SUGP1: variants seen among roughly 807,000 people sequenced by gnomAD.
SUGP1 encodes the protein SURP and G-patch domain containing 1, also known as SURP and G-patch domain-containing protein 1.
In SUGP1, 34 loss-of-function variants were observed where a neutral mutation model predicts 76.5. That is an observed-to-expected ratio of 0.44 (90% CI 0.34 to 0.59). The LOEUF is 0.59. Ranked by LOEUF, SUGP1 falls within the 20% of genes least tolerant of loss-of-function variation. The probability of loss-of-function intolerance (pLI) is 0.01; values close to 1 mark genes in which losing one functional copy is unlikely to be tolerated. For synonymous variants in SUGP1, 326 were observed against 326.2 expected, an observed-to-expected ratio of 1.00 and a Z score of 0.01; for missense variants, 752 against 851.7, an observed-to-expected ratio of 0.88 and a Z score of 1.46.
At chr19:19,287,501 G>C (rs1168116672) in intron 8 of SUGP1, among the ~76,000 whole-genome samples, 1 of 152,230 alleles carries the variant, frequency 6.6e-6, no homozygotes, top group Non-Finnish European at 1.5e-5. Context: ...GGCAGAGGCT[G>C]CAGTGAGCTG....
chr19:19,297,371 T>C, intron 7 of SUGP1, 27 bp from the exon 8 acceptor site: 2 of 1,364,012 alleles, frequency 1.5e-6, no homozygotes, highest in South Asian at 1.4e-5. Flanking sequence ...GGGGGTGCAG[T>C]GTCAGCTGGG....
chr19:19,279,179 A>C, intron 10 of SUGP1, 34 bp downstream of exon 10: 1 of 1,532,242 alleles, frequency 6.5e-7, no homozygotes, highest in Non-Finnish European at 8.8e-7. Context: ...GGCCATGCCC[A>C]GCCCAGCCCG....
intron 2 of SUGP1, among the ~76,000 whole-genome samples, chr19:19,311,645 T>C (rs941818546): frequency 4.2e-5 from 6 of 142,076 alleles, no homozygotes; most frequent in Admixed American, 7.8e-5. Flanking sequence ...AAGAATGGCG[T>C]GAACCAAGGA....
At chr19:19,278,288 C>T (rs753442609) in intron 11 of SUGP1, among the ~76,000 whole-genome samples, 24 of 152,180 alleles carry the variant, frequency 1.6e-4, no homozygotes, top group Non-Finnish European at 3.2e-4. Flanking sequence ...TATAAAAAAA[C>T]CTCAAAAAGA....
At chr19:19,277,218 G>T in intron 12 of SUGP1, 142 bp from the exon 13 acceptor site, 2 of 533,932 alleles carry the variant, frequency 3.7e-6, no homozygotes, top group South Asian at 2.1e-5. Flanking sequence ...GCTTGAACCT[G>T]AATGGTCAAG....
At chr19:19,302,593 C>G in intron 6 of SUGP1, 1 of 677,944 alleles carries the variant, frequency 1.5e-6, no homozygotes, top group Non-Finnish European at 2.4e-6. Context: ...CCGCCCCGTC[C>G]CACAAGGGAG....
At chr19:19,301,327 C>G (rs1329932870) in intron 7 of SUGP1, among the ~76,000 whole-genome samples, 1 of 152,144 alleles carries the variant, frequency 6.6e-6, no homozygotes, top group Non-Finnish European at 1.5e-5. Flanking sequence ...TTCACTGGGT[C>G]AGCTGAGCCT....
At chr19:19,281,118 G>A (rs533275184) in intron 8 of SUGP1, 3 of 152,486 alleles carry the variant, frequency 2.0e-5, no homozygotes, top group African/African-American at 7.2e-5. Flanking sequence ...GGGAGACGCA[G>A]GAGCCGAAGT....
intron 2 of SUGP1, among the ~76,000 whole-genome samples, chr19:19,310,654 A>C (rs1054955937): frequency 4.0e-5 from 6 of 151,604 alleles, no homozygotes; most frequent in African/African-American, 1.5e-4. Context: ...CTCTCTATCT[A>C]TCTATCCGAA....
At chr19:19,317,387 G>T (rs965169733) in intron 1 of SUGP1, among the ~76,000 whole-genome samples, 1 of 152,154 alleles carries the variant, frequency 6.6e-6, no homozygotes, top group African/African-American at 2.4e-5. Flanking sequence ...TACATCCAAG[G>T]AGCAGCAAGT....
In SUGP1 at chr19:19,303,657, C is replaced by A. The variant is rs974479659; in HGVS notation, c.662+67G>T. On this transcript the variant is annotated intron_variant, in intron 5 of 13. Coordinates refer to ENST00000247001, the MANE Select transcript of SUGP1 (RefSeq NM_172231.4). ...CGGCCCACACTAGCAAGCACCCAGC[C>A]CCACACGTGCGACTGTGCAGCAAAC... 3.2e-6 allele frequency: 5 copies of A among 1,586,426 alleles called. No homozygotes were observed. The African/African-American group carries it at 4.0e-5, about 13-fold the overall frequency.
chr19:19,297,125 G>A lies in SUGP1; in HGVS notation c.1107C>T (p.Ala369=). 6.2e-7 allele frequency: 1 copy of A among 1,613,968 alleles called. No individual in the cohort carries two copies. The highest frequency in any genetic ancestry group is 1.3e-5 in the African/African-American group (1 of 75,046). Residue 369 remains alanine, a synonymous_variant, in exon 8 of 14, where the codon GCC becomes GCT. Transcript: ENST00000247001. ...PAPTIIPAPA[A]PGKPASAATV... Reference sequence around the variant, plus strand: ...TGGCTGCGGAGGCTGGCTTCCCGGGGGCAGCTGGAGCAGGGATGATAGTGG... The same window carrying A: ...TGGCTGCGGAGGCTGGCTTCCCGGGAGCAGCTGGAGCAGGGATGATAGTGG...
intron 8 of SUGP1, among the ~76,000 whole-genome samples, chr19:19,282,297 CAAGA>C (rs144703713): frequency 0.23 from 34,899 of 150,036 alleles, 4,530 homozygotes; most frequent in South Asian, 0.36. Context: ...CTTTCTGTGA[CAAGA>C]AAGAATCCAA....
At chr19:19,311,455 C>CACTTTG (rs2061352320) in intron 2 of SUGP1, among the ~76,000 whole-genome samples, 1 of 151,644 alleles carries the variant, frequency 6.6e-6, no homozygotes, top group Middle Eastern at 3.2e-3. Context: ...AGGCTGGGCG[C>CACTTTG]GGTGGCTCAC....
intron 1 of SUGP1, among the ~76,000 whole-genome samples, chr19:19,317,472 G>C (rs1453510659): frequency 3.3e-5 from 5 of 152,130 alleles, no homozygotes; most frequent in African/African-American, 9.7e-5. Flanking sequence ...TTTATTATAA[G>C]GGCTTTGGGG....
intron 6 of SUGP1, among the ~76,000 whole-genome samples, chr19:19,302,825 C>T (rs2061282456): frequency 6.6e-6 from 1 of 152,178 alleles, no homozygotes; most frequent in African/African-American, 2.4e-5. Context: ...ACCCCACCAA[C>T]CCACCAGCAC....
chr19:19,299,213 T>C (rs944557857), intron 7 of SUGP1, among the ~76,000 whole-genome samples: 1 of 152,240 alleles, frequency 6.6e-6, no homozygotes, highest in Non-Finnish European at 1.5e-5. Context: ...ATTAGAACAG[T>C]GGAAGCATGT....
At chr19:19,286,809 C>T (rs758140931) in intron 8 of SUGP1, among the ~76,000 whole-genome samples, 3 of 152,146 alleles carry the variant, frequency 2.0e-5, no homozygotes, top group Non-Finnish European at 4.4e-5. Flanking sequence ...TTCGGAAGCC[C>T]GAGGCAGGTG....
intron 7 of SUGP1, among the ~76,000 whole-genome samples, chr19:19,300,731 C>G (rs2061265418): frequency 1.3e-5 from 2 of 152,172 alleles, no homozygotes; most frequent in Admixed American, 1.3e-4. Flanking sequence ...CTCTGGCTGC[C>G]CGGGGTACCC....
Sources: gnomAD v4.1 joint callset for allele counts (sites outside exome capture counted in the v4.1 genomes callset) on GRCh38, gnomAD v4.1.1 for gene constraint, MANE v1.5 for transcripts, NCBI Gene and HGNC (gene_info 2026-07-23, HGNC 2026-07-21) for gene names.